The following CDH12 variants were observed in gnomAD, a reference collection of about 807,000 sequenced individuals.
CDH12 encodes the protein cadherin-12.
In CDH12, 41 loss-of-function variants were observed where a neutral mutation model predicts 74.1. That is an observed-to-expected ratio of 0.55 (90% confidence interval 0.43 to 0.72). The LOEUF is 0.72. Ranked by LOEUF, CDH12 falls within the 30% of genes least tolerant of loss-of-function variation. The pLI is 0.00. For synonymous variants in CDH12, 399 were observed against 355.0 expected (o/e 1.12, Z -1.39); for missense variants, 945 against 977.2 (o/e 0.97, Z 0.44).
chr5:22,254,970 A>G (rs1470612996), intron 3 of CDH12, among the ~76,000 whole-genome samples: 1 of 151,868 alleles, frequency 6.6e-6, no homozygotes, highest in Admixed American at 6.6e-5. Flanking sequence ...TATGCTACCA[A>G]ACACTGGATC....
chr5:22,434,682 C>T (rs192524416), intron 2 of CDH12, among the ~76,000 whole-genome samples: 1 of 152,094 alleles, frequency 6.6e-6, no homozygotes, highest in Non-Finnish European at 1.5e-5. Flanking sequence ...AATGCAGGGG[C>T]TATTATGTAA....
intron 5 of CDH12, among the ~76,000 whole-genome samples, chr5:22,026,924 C>T (rs1308058731): frequency 2.0e-5 from 3 of 152,084 alleles, no homozygotes; most frequent in African/African-American, 7.2e-5. Flanking sequence ...TATTTCTTGC[C>T]CATTCAGTAT....
At chr5:22,379,521 CTG>C (rs1307592407) in intron 3 of CDH12, among the ~76,000 whole-genome samples, 3 of 152,118 alleles carry the variant, frequency 2.0e-5, no homozygotes, top group African/African-American at 7.2e-5. Flanking sequence ...ATAATGATAT[CTG>C]TGAAATAAGA....
chr5:21,989,806 A>C (rs1757671017), intron 5 of CDH12, among the ~76,000 whole-genome samples: 2 of 152,294 alleles, frequency 1.3e-5, no homozygotes, highest in South Asian at 4.1e-4. Flanking sequence ...ATGACCCTAC[A>C]AAGTGGAGAT....
At chr5:22,666,750 A>C (rs1202262646) in intron 1 of CDH12, among the ~76,000 whole-genome samples, 5 of 152,208 alleles carry the variant, frequency 3.3e-5, no homozygotes, top group African/African-American at 4.8e-5. Context: ...CATTGTGTCC[A>C]TAAAAACTAC....
chr5:22,342,515 C>T (rs1413701822), intron 3 of CDH12, among the ~76,000 whole-genome samples: 1 of 151,130 alleles, frequency 6.6e-6, no homozygotes, highest in Non-Finnish European at 1.5e-5. Flanking sequence ...TTCCTTCCTT[C>T]CTTCCTCCCT....
chr5:22,519,950 A>G (rs1032907280), intron 1 of CDH12, among the ~76,000 whole-genome samples: 2 of 152,148 alleles, frequency 1.3e-5, no homozygotes, highest in African/African-American at 4.8e-5. Flanking sequence ...TCGTTCTTAT[A>G]AAATAATAGA....
chr5:21,866,544 G>A (rs1054830485), intron 6 of CDH12, among the ~76,000 whole-genome samples: 9 of 152,256 alleles, frequency 5.9e-5, no homozygotes, highest in South Asian at 4.1e-4. Flanking sequence ...CTAGAGATTT[G>A]TGGAGCTTGA....
intron 4 of CDH12, among the ~76,000 whole-genome samples, chr5:22,116,609 A>G (rs1231558209): frequency 3.6e-5 from 5 of 139,958 alleles, no homozygotes; most frequent in Non-Finnish European, 7.6e-5. Context: ...TGTTTCAAAG[A>G]AAAAAAAAAA....
intron 1 of CDH12, among the ~76,000 whole-genome samples, chr5:22,548,272 T>A (rs540911449): frequency 3.3e-5 from 5 of 152,310 alleles, no homozygotes; most frequent in African/African-American, 1.2e-4. Context: ...TAGATTATTG[T>A]CACTTTTCCT....
chr5:22,786,992 AC>A (rs1334794188), intron 1 of CDH12, among the ~76,000 whole-genome samples: 2 of 151,604 alleles, frequency 1.3e-5, no homozygotes, highest in Non-Finnish European at 2.9e-5. Flanking sequence ...CAGCCCTCAC[AC>A]CTTTTTGATT....
chr5:21,827,016 G>A (rs1023189384), intron 8 of CDH12, among the ~76,000 whole-genome samples: 49 of 152,154 alleles, frequency 3.2e-4, no homozygotes, highest in African/African-American at 1.2e-3. Context: ...GTGATGTCTT[G>A]AACACACAGT....
chr5:21,844,374 C>T (rs1750042794), intron 7 of CDH12, among the ~76,000 whole-genome samples: 1 of 151,960 alleles, frequency 6.6e-6, no homozygotes, highest in Non-Finnish European at 1.5e-5. Flanking sequence ...CACATAACTA[C>T]ATTATTTTTC....
At position 21,883,125 on chromosome 5, in the gene CDH12, G is replaced by A. The variant is rs896763868; in HGVS notation, c.527-28335C>T. ...GGTTGCTATGATTTCTGCAAATGGA[G>A]ACAAAGAAATTGGCAATATCATCTC... On this transcript the variant is annotated intron_variant, in intron 6 of 14. Transcript: ENST00000382254. 5.1e-6 allele frequency: 8 copies of A among 1,577,538 alleles called. No individual in the cohort carries two copies. The African/African-American group carries it at 9.4e-5, about 19-fold the overall frequency.
chr5:22,162,844 G>C (rs959802780), intron 4 of CDH12, among the ~76,000 whole-genome samples: 4 of 150,394 alleles, frequency 2.7e-5, no homozygotes, highest in Non-Finnish European at 5.9e-5. Context: ...TATTATGCAG[G>C]CTATTCCTCT....
At chr5:22,593,807 T>G (rs970197197) in intron 1 of CDH12, among the ~76,000 whole-genome samples, 5 of 152,318 alleles carry the variant, frequency 3.3e-5, no homozygotes, top group Middle Eastern at 3.4e-3. Flanking sequence ...GCTTCCTGTT[T>G]GCTTACCTTT....
chr5:22,573,076 C>T (rs1193287026), intron 1 of CDH12, among the ~76,000 whole-genome samples: 1 of 152,088 alleles, frequency 6.6e-6, no homozygotes, highest in African/African-American at 2.4e-5. Context: ...AATAAATGTC[C>T]CATTTTGATG....
At chr5:22,791,727 G>A (rs1747915871) in intron 1 of CDH12, among the ~76,000 whole-genome samples, 1 of 152,154 alleles carries the variant, frequency 6.6e-6, no homozygotes, top group South Asian at 2.1e-4. Flanking sequence ...GGGGAAGCAA[G>A]GCATGTCTTA....
At chr5:22,474,344 T>C (rs1408775172) in intron 2 of CDH12, among the ~76,000 whole-genome samples, 1 of 152,130 alleles carries the variant, frequency 6.6e-6, no homozygotes, top group Admixed American at 6.6e-5. Flanking sequence ...ACACATGATG[T>C]CAGGGGAGTC....
Sources: gnomAD v4.1 joint callset for allele counts (sites outside exome capture counted in the v4.1 genomes callset) on GRCh38, gnomAD v4.1.1 for gene constraint, MANE v1.5 for transcripts, NCBI Gene and HGNC (gene_info 2026-07-23, HGNC 2026-07-21) for gene names.